The following CNTNAP2 variants were observed in gnomAD, a reference collection of about 807,000 sequenced individuals.
The protein encoded by CNTNAP2 is contactin-associated protein-like 2.
A neutral mutation model predicts 155.2 loss-of-function variants in CNTNAP2; 98 were observed. The ratio of observed to expected loss-of-function variants is 0.63; its 90% confidence interval spans 0.54 to 0.75. CNTNAP2 has a LOEUF of 0.75. Ranked by LOEUF, CNTNAP2 falls within the 30% of genes least tolerant of loss-of-function variation. The pLI is 0.00. For synonymous variants in CNTNAP2, 651 were observed against 631.2 expected (o/e 1.03, Z -0.47); for missense variants, 1,727 against 1,688.1 (o/e 1.02, Z -0.40).
At chr7:146,803,802 T>C (rs955036855) in intron 2 of CNTNAP2, among the ~76,000 whole-genome samples, 2 of 152,186 alleles carry the variant, frequency 1.3e-5, no homozygotes, top group African/African-American at 4.8e-5. Context: ...CCAAGGAAAG[T>C]CTTGGTATAG....
chr7:147,946,110 T>G (rs1426055494), intron 14 of CNTNAP2, among the ~76,000 whole-genome samples: 3 of 151,984 alleles, frequency 2.0e-5, no homozygotes, highest in African/African-American at 4.8e-5. Flanking sequence ...AATTCACCCC[T>G]GAAATACACT....
chr7:148,100,367 A>G (rs957407356), intron 15 of CNTNAP2, among the ~76,000 whole-genome samples: 2 of 152,350 alleles, frequency 1.3e-5, no homozygotes, highest in Middle Eastern at 3.4e-3. Context: ...GAAGGCTTCT[A>G]GACATTAGTC....
chr7:147,908,451 A>G (rs1335858293), intron 14 of CNTNAP2, among the ~76,000 whole-genome samples: 2 of 152,208 alleles, frequency 1.3e-5, no homozygotes, highest in South Asian at 2.1e-4. Flanking sequence ...CAGTCTGGGC[A>G]TAGGTGCCTG....
chr7:148,335,081 G>T (rs1364912633), intron 21 of CNTNAP2, among the ~76,000 whole-genome samples: 1 of 152,158 alleles, frequency 6.6e-6, no homozygotes, highest in Non-Finnish European at 1.5e-5. Flanking sequence ...ATAGAAGCAT[G>T]ACTAAGCTGA....
rs367837532 is a variant in CNTNAP2, at chr7:148,358,357, C to T, written c.3476-25292C>T. Among the ~76,000 whole-genome samples, 12 of 152,204 alleles carry T rather than the reference C, an allele frequency of 7.9e-5. No homozygotes were observed. In the East Asian group the frequency reaches 1.9e-3, roughly 24 times the overall value. The stretch of plus-strand genomic sequence containing the variant: ...AAATGGGGGGAAGAAGGCAAGATGG[C>T]GGGCAGCCATGAGACCATGGCAAGA... On this transcript the variant is annotated intron_variant, in intron 21 of 23. Transcript: ENST00000361727.
At chr7:146,907,046 G>T (rs1796147958) in intron 3 of CNTNAP2, among the ~76,000 whole-genome samples, 1 of 150,822 alleles carries the variant, frequency 6.6e-6, no homozygotes, top group Admixed American at 6.6e-5. Context: ...GGAAGAAAGG[G>T]TATCAGCGAT....
At chr7:148,314,541 T>C (rs1797652952) in intron 21 of CNTNAP2, among the ~76,000 whole-genome samples, 1 of 151,826 alleles carries the variant, frequency 6.6e-6, no homozygotes, top group Admixed American at 6.6e-5. Flanking sequence ...AGCTTGCCCA[T>C]AGTGAAGGAG....
chr7:148,023,360 T>C (rs748674654), intron 15 of CNTNAP2, among the ~76,000 whole-genome samples: 19 of 152,356 alleles, frequency 1.2e-4, no homozygotes, highest in South Asian at 8.3e-4. Context: ...GCCGGAGTGA[T>C]TAATGATACA....
intron 1 of CNTNAP2, among the ~76,000 whole-genome samples, chr7:146,603,047 T>C (rs180930800): frequency 1.3e-5 from 2 of 151,648 alleles, no homozygotes; most frequent in Admixed American, 1.3e-4. Flanking sequence ...CAAGCAAGCA[T>C]AGGGCTCTGC....
At chr7:146,393,893 G>A (rs962200239) in intron 1 of CNTNAP2, among the ~76,000 whole-genome samples, 1 of 152,104 alleles carries the variant, frequency 6.6e-6, no homozygotes, top group Non-Finnish European at 1.5e-5. Context: ...TCCATATTTT[G>A]TTCAAAGATG....
At chr7:146,643,598 C>T (rs1455378571) in intron 1 of CNTNAP2, among the ~76,000 whole-genome samples, 2 of 152,096 alleles carry the variant, frequency 1.3e-5, no homozygotes, top group African/African-American at 4.8e-5. Context: ...TAGCGTGATG[C>T]CTCCAGCTTT....
intron 8 of CNTNAP2, among the ~76,000 whole-genome samples, chr7:147,222,820 T>G (rs936087844): frequency 2.0e-5 from 3 of 149,454 alleles, no homozygotes; most frequent in Non-Finnish European, 3.0e-5. Context: ...GGTTTTTTTT[T>G]TTTTTTTTTT....
At chr7:147,559,109 C>T (rs1011954470) in intron 11 of CNTNAP2, among the ~76,000 whole-genome samples, 11 of 152,058 alleles carry the variant, frequency 7.2e-5, no homozygotes, top group African/African-American at 2.7e-4. Flanking sequence ...CTCCTGGCTC[C>T]AAGCATTCCT....
At chr7:146,355,032 A>G (rs930645416) in intron 1 of CNTNAP2, among the ~76,000 whole-genome samples, 1 of 152,208 alleles carries the variant, frequency 6.6e-6, no homozygotes, top group African/African-American at 2.4e-5. Flanking sequence ...AATGTACAGT[A>G]TAACAGGAGT....
At chr7:146,472,703 A>C (rs1234479218) in intron 1 of CNTNAP2, among the ~76,000 whole-genome samples, 2 of 152,032 alleles carry the variant, frequency 1.3e-5, no homozygotes, top group Non-Finnish European at 2.9e-5. Context: ...TAGTATTAAA[A>C]TACGTTTTAC....
chr7:146,924,762 A>G (rs760788582), intron 3 of CNTNAP2, among the ~76,000 whole-genome samples: 3 of 152,064 alleles, frequency 2.0e-5, no homozygotes, highest in Non-Finnish European at 4.4e-5. Context: ...TAAAGACCTG[A>G]AGAGTTTTTT....
chr7:146,249,002 G>T (rs13223772), intron 1 of CNTNAP2, among the ~76,000 whole-genome samples: 2 of 152,128 alleles, frequency 1.3e-5, no homozygotes, highest in Non-Finnish European at 2.9e-5. Context: ...GTTCCCTGGC[G>T]GTCAGAGTGG....
At chr7:146,678,575 T>G (rs990671091) in intron 1 of CNTNAP2, among the ~76,000 whole-genome samples, 2 of 152,154 alleles carry the variant, frequency 1.3e-5, no homozygotes, top group Admixed American at 6.5e-5. Context: ...CAGTACTCAG[T>G]AGGACCTATT....
chr7:147,785,484 G>A (rs1797725489), intron 13 of CNTNAP2, among the ~76,000 whole-genome samples: 1 of 152,072 alleles, frequency 6.6e-6, no homozygotes, highest in Non-Finnish European at 1.5e-5. Context: ...AACAAAGTAG[G>A]TTGAAGAGGG....
Sources: gnomAD v4.1 joint callset for allele counts (sites outside exome capture counted in the v4.1 genomes callset) on GRCh38, gnomAD v4.1.1 for gene constraint, MANE v1.5 for transcripts, NCBI Gene and HGNC (gene_info 2026-07-23, HGNC 2026-07-21) for gene names.